The following CNTLN variants were observed in gnomAD, a reference collection of about 807,000 sequenced individuals.
The protein encoded by CNTLN is centlein, centrosomal protein.
Under a neutral mutation model 180.0 loss-of-function variants are expected in CNTLN, and 212 were observed. That is an observed-to-expected ratio of 1.18 (90% CI 1.05 to 1.32). The LOEUF is 1.32. Ranked by LOEUF, CNTLN falls within the 40% of genes most tolerant of loss-of-function variation. The probability of loss-of-function intolerance (pLI) is 0.00; values close to 1 mark genes in which losing one functional copy is unlikely to be tolerated. For synonymous variants in CNTLN, 722 were observed against 563.1 expected, an observed-to-expected ratio of 1.28 and a Z score of -3.99; for missense variants, 2,095 against 1,610.9, an observed-to-expected ratio of 1.30 and a Z score of -5.14.
At chr9:17,404,554 C>G (rs1041724966) in intron 15 of CNTLN, among the ~76,000 whole-genome samples, 1 of 151,634 alleles carries the variant, frequency 6.6e-6, no homozygotes, top group Non-Finnish European at 1.5e-5. Context: ...GAGCAATTAT[C>G]CCAATTATTG....
intron 2 of CNTLN, among the ~76,000 whole-genome samples, chr9:17,160,835 A>G (rs1250680713): frequency 6.6e-6 from 1 of 152,150 alleles, no homozygotes; most frequent in Non-Finnish European, 1.5e-5. Context: ...TGACTGTGAG[A>G]TTTAGACATG....
At chr9:17,373,363 T>C (rs564207686) in intron 13 of CNTLN, among the ~76,000 whole-genome samples, 3 of 152,074 alleles carry the variant, frequency 2.0e-5, no homozygotes, top group African/African-American at 7.2e-5. Context: ...TCAAGAAAGC[T>C]AATTCCATTT....
intron 7 of CNTLN, chr9:17,300,261 G>A (rs1220028783): frequency 6.6e-6 from 1 of 151,990 alleles, no homozygotes; most frequent in South Asian, 2.1e-4. Flanking sequence ...AAAATGTTTT[G>A]GATTTTGGAG....
chr9:17,147,793 G>C (rs1274838941), intron 2 of CNTLN, among the ~76,000 whole-genome samples: 1 of 152,068 alleles, frequency 6.6e-6, no homozygotes, highest in African/African-American at 2.4e-5. Context: ...CTGTAATTTT[G>C]TTGTACATTA....
intron 5 of CNTLN, among the ~76,000 whole-genome samples, chr9:17,255,150 T>A (rs1255715743): frequency 6.6e-6 from 1 of 151,872 alleles, no homozygotes; most frequent in Non-Finnish European, 1.5e-5. Context: ...ATTTTACTTC[T>A]GCCTTTTTGA....
chr9:17,250,830 A>G (rs1445678755), intron 5 of CNTLN, among the ~76,000 whole-genome samples: 1 of 152,028 alleles, frequency 6.6e-6, no homozygotes, highest in African/African-American at 2.4e-5. Context: ...TTGCTCACCT[A>G]TTTACCTTTA....
At chr9:17,359,739 A>AAAAAACAAAAAAAAAAAAAAC (rs1823185258) in intron 12 of CNTLN, among the ~76,000 whole-genome samples, 1 of 120,018 alleles carries the variant, frequency 8.3e-6, no homozygotes, top group Non-Finnish European at 1.7e-5. Flanking sequence ...AAAAAAAAAA[A>AAAAAACAAAAAAAAAAAAAAC]AAAAAAAAAA....
At chr9:17,214,831 C>G (rs1250514657) in intron 2 of CNTLN, among the ~76,000 whole-genome samples, 1 of 152,200 alleles carries the variant, frequency 6.6e-6, no homozygotes, top group Non-Finnish European at 1.5e-5. Context: ...ACCCTTTCTT[C>G]CAGTTGATCA....
At chr9:17,244,918 CAA>C (rs1003302294) in intron 5 of CNTLN, among the ~76,000 whole-genome samples, 39 of 152,150 alleles carry the variant, frequency 2.6e-4, no homozygotes, top group African/African-American at 8.9e-4. Context: ...AAGAAACACT[CAA>C]AGAGAAAACT....
chr9:17,399,519 CT>C (rs1244053763), intron 15 of CNTLN, among the ~76,000 whole-genome samples: 3 of 152,118 alleles, frequency 2.0e-5, no homozygotes, highest in Admixed American at 6.5e-5. Context: ...TTTGACTTTT[CT>C]TTTTCTTTTT....
rs756347588 is a variant in CNTLN at position 17,241,048 on chromosome 9, CG to C, written c.849+4464del. On this transcript the variant is annotated intron_variant, in intron 5 of 25. Transcript: ENST00000380647. ...TAATTTTTTGTATTTTTAGTAGAGA[CG>C]GGGTTTCATCGTGTTAGCCAGGATG... Among the ~76,000 whole-genome samples, 19 of 151,960 alleles carry C rather than the reference CG, an allele frequency of 1.3e-4. 1 individual carries two copies. Among genetic ancestry groups the C allele is most frequent in the Non-Finnish European group, 8.8e-5 (6 of 67,958 alleles).
chr9:17,225,023 T>A (rs1824375897), intron 2 of CNTLN, among the ~76,000 whole-genome samples: 1 of 152,086 alleles, frequency 6.6e-6, no homozygotes, highest in South Asian at 2.1e-4. Context: ...TATAGTTGCC[T>A]TTAAATTGTC....
intron 2 of CNTLN, among the ~76,000 whole-genome samples, chr9:17,146,515 G>T (rs1818468146): frequency 2.6e-5 from 4 of 152,110 alleles, no homozygotes; most frequent in Admixed American, 2.6e-4. Context: ...TCATAAATGG[G>T]ATTAGTGCCC....
At chr9:17,304,199 C>G (rs994631978) in intron 7 of CNTLN, among the ~76,000 whole-genome samples, 95 of 152,206 alleles carry the variant, frequency 6.2e-4, no homozygotes, top group African/African-American at 2.1e-3. Context: ...TGTCCCAGAG[C>G]TCTCCGTAAC....
At chr9:17,323,202 G>A (rs1820036350) in intron 8 of CNTLN, among the ~76,000 whole-genome samples, 1 of 152,018 alleles carries the variant, frequency 6.6e-6, no homozygotes, top group Non-Finnish European at 1.5e-5. Context: ...TATCAAAGGA[G>A]TTACTCTGAA....
chr9:17,352,418 T>A (rs200312741), intron 12 of CNTLN, among the ~76,000 whole-genome samples: 349 of 19,178 alleles, frequency 0.018, 2 homozygotes, highest in African/African-American at 0.053. Context: ...ATATATATAT[T>A]TTTTTTTTTT....
chr9:17,435,643 C>G (rs1258175950), intron 18 of CNTLN, among the ~76,000 whole-genome samples: 1 of 151,656 alleles, frequency 6.6e-6, no homozygotes, highest in Non-Finnish European at 1.5e-5. Flanking sequence ...TCACTGCAGC[C>G]TCTGTCCACC....
chr9:17,266,246 A>T (rs200558843), intron 5 of CNTLN, among the ~76,000 whole-genome samples: 9 of 152,012 alleles, frequency 5.9e-5, no homozygotes, highest in Admixed American at 3.3e-4. Context: ...TGTCTTTGTT[A>T]TCATTGGTTT....
intron 23 of CNTLN, among the ~76,000 whole-genome samples, chr9:17,477,331 G>A (rs777977230): frequency 5.9e-5 from 9 of 152,118 alleles, no homozygotes; most frequent in Non-Finnish European, 1.3e-4. Context: ...GTTTCAAGGA[G>A]TAATTTCAAC....
Sources: allele counts gnomAD v4.1 joint callset (sites outside exome capture counted in the v4.1 genomes callset), GRCh38; gene constraint gnomAD v4.1.1; transcripts MANE v1.5; gene names NCBI Gene and HGNC (gene_info 2026-07-23, HGNC 2026-07-21).